Variants in RGPD8 observed in about 807,000 individuals in gnomAD.
RGPD8 encodes the protein RANBP2-like and GRIP domain-containing protein 8.
RGPD8 carries 15 observed loss-of-function variants against 89.1 expected under a neutral mutation model. The observed-to-expected ratio is 0.17, with a 90% CI of 0.11 to 0.26. The LOEUF is 0.26. Among genes scored for constraint, RGPD8 ranks in the 10% least tolerant of loss-of-function variants. The pLI is 1.00. For synonymous variants in RGPD8, 62 were observed against 420.9 expected, an observed-to-expected ratio of 0.15 and a Z score of 10.44; for missense variants, 178 against 1,179.6, an observed-to-expected ratio of 0.15 and a Z score of 12.44.
chr2:112,385,326 GA>G, intron 20 of RGPD8, among the ~76,000 whole-genome samples: 2 of 148,216 alleles, frequency 1.3e-5, no homozygotes, highest in Middle Eastern at 7.1e-3. Flanking sequence ...ATTAGAAACA[GA>G]AAAAACTTCT....
At chr2:112,432,468 G>C (rs1680084310) in intron 1 of RGPD8, 2 of 985,096 alleles carry the variant, frequency 2.0e-6, no homozygotes, top group Non-Finnish European at 2.4e-6. Flanking sequence ...CTCAAAACAA[G>C]GGGACTTTCC....
intron 6 of RGPD8, 70 bp downstream of exon 6, chr2:112,417,123 G>A: frequency 1.2e-6 from 2 of 1,607,520 alleles, no homozygotes; most frequent in Non-Finnish European, 1.7e-6. Context: ...AAGAAGTTTA[G>A]AGCAATGAAC....
At chr2:112,425,794 A>G (rs1037938014) in intron 1 of RGPD8, among the ~76,000 whole-genome samples, 1 of 151,600 alleles carries the variant, frequency 6.6e-6, no homozygotes, top group African/African-American at 2.4e-5. Flanking sequence ...CAACCAGAGT[A>G]TGTTCCATCC....
chr2:112,432,547 C>A (rs1299775523), intron 1 of RGPD8: 1 of 985,280 alleles, frequency 1.0e-6, no homozygotes, highest in East Asian at 1.1e-4. Flanking sequence ...CTCGACGCAG[C>A]CGCCAAAGCT....
chr2:112,427,064 G>C (rs1017095271), intron 1 of RGPD8, among the ~76,000 whole-genome samples: 3 of 151,680 alleles, frequency 2.0e-5, no homozygotes, highest in Non-Finnish European at 4.4e-5. Context: ...CAAAGTGCTG[G>C]GATTACAGGC....
At chr2:112,416,083 C>A (rs1679396198) in intron 6 of RGPD8, among the ~76,000 whole-genome samples, 1 of 92,504 alleles carries the variant, frequency 1.1e-5, no homozygotes. Flanking sequence ...AGCAAGACTC[C>A]ATCTCAAAAA....
intron 1 of RGPD8, among the ~76,000 whole-genome samples, chr2:112,429,172 G>A (rs919804191): frequency 3.3e-5 from 5 of 151,982 alleles, no homozygotes; most frequent in African/African-American, 1.2e-4. Context: ...TGTAATCCCA[G>A]CACTTTGGGA....
intron 7 of RGPD8, among the ~76,000 whole-genome samples, chr2:112,408,669 T>C (rs1331925093): frequency 6.6e-6 from 1 of 152,214 alleles, no homozygotes; most frequent in Admixed American, 6.5e-5. Context: ...CAATTCACTA[T>C]TTCCTTTTTT....
intron 2 of RGPD8, 103 bp from the exon 3 acceptor site, chr2:112,422,762 T>C (rs1679610616): frequency 3.7e-6 from 2 of 544,626 alleles, no homozygotes; most frequent in Non-Finnish European, 3.1e-6. Flanking sequence ...TAAACTCGTT[T>C]ATATTGTTAC....
rs1478898362 is a variant in RGPD8 at position 112,371,287 on chromosome 2, C to G, written c.5264-1075G>C. Among the ~76,000 whole-genome samples the G allele has an allele frequency of 7.2e-3, 584 of 81,240 alleles. 1 individual carries two copies. Among genetic ancestry groups the G allele is most frequent in the African/African-American group, 0.027 (556 of 20,980 alleles). 53.3% of individuals were successfully genotyped at this position (81,240 alleles called of 152,430 possible). A position where few individuals can be genotyped will look rare whatever the true frequency, so the allele number is the denominator to read the frequency against. On this transcript the variant is annotated intron_variant, in intron 22 of 22. Coordinates refer to ENST00000302558, the MANE Select transcript of RGPD8 (RefSeq NM_001164463.1). ...CGTACCACCACCGACCAAGGCCTGG[C>G]ACATTTTCATCTCCTCAAAGTTCTC... is the stretch of plus-strand genomic sequence containing the variant.
intron 20 of RGPD8, among the ~76,000 whole-genome samples, chr2:112,381,849 A>G (rs1347354445): frequency 1.3e-5 from 2 of 152,202 alleles, no homozygotes. Flanking sequence ...TATTTTAAAA[A>G]AGATTTGTTT....
At chr2:112,432,683 A>C (rs1295363412) in intron 1 of RGPD8, 1 of 985,168 alleles carries the variant, frequency 1.0e-6, no homozygotes, top group Non-Finnish European at 1.2e-6. Flanking sequence ...CCGGGTGCCC[A>C]AGCCCCCGAG....
At chr2:112,430,817 C>T (rs1679996777) in intron 1 of RGPD8, among the ~76,000 whole-genome samples, 1 of 151,324 alleles carries the variant, frequency 6.6e-6, no homozygotes, top group Non-Finnish European at 1.5e-5. Context: ...AAAAGCCGGG[C>T]ATGGTGGCGC....
intron 4 of RGPD8, among the ~76,000 whole-genome samples, chr2:112,419,771 T>TG: frequency 7.0e-6 from 1 of 143,870 alleles, no homozygotes; most frequent in Non-Finnish European, 1.5e-5. Context: ...ACGCCCAATA[T>TG]GGGAGTTATG....
chr2:112,411,375 T>C (rs1453515209), intron 7 of RGPD8, among the ~76,000 whole-genome samples: 10 of 145,616 alleles, frequency 6.9e-5, no homozygotes, highest in African/African-American at 2.6e-4. Flanking sequence ...GAGACCATCC[T>C]GGCTACCACG....
At chr2:112,429,867 G>C (rs1262517572) in intron 1 of RGPD8, among the ~76,000 whole-genome samples, 1 of 152,100 alleles carries the variant, frequency 6.6e-6, no homozygotes, top group East Asian at 1.9e-4. Flanking sequence ...GAGTGCAGTG[G>C]CGCAATCTCT....
rs189050743 is a variant in RGPD8, at chr2:112,431,711, A to T, written c.72+1671T>A. ...GAGTGCAGTAGCGCGATCTCGGCTCACTAGAACCTCCGCCTCCCGGGTTCA... is the reference window on the plus strand; with the variant it reads ...GAGTGCAGTAGCGCGATCTCGGCTCTCTAGAACCTCCGCCTCCCGGGTTCA... On this transcript the variant is annotated intron_variant, in intron 1 of 22. Coordinates refer to ENST00000302558, the MANE Select transcript of RGPD8 (RefSeq NM_001164463.1). Among the ~76,000 whole-genome samples the T allele has an allele frequency of 2.7e-5, 4 of 147,472 alleles. No individual in the cohort carries two copies. The East Asian group carries it at 8.0e-4, about 29-fold the overall frequency.
intron 1 of RGPD8, among the ~76,000 whole-genome samples, chr2:112,431,794 G>A (rs1680051087): frequency 1.3e-5 from 2 of 152,028 alleles, no homozygotes; most frequent in Admixed American, 1.3e-4. Flanking sequence ...GCGCCACCAC[G>A]TCCGGCTAAC....
Position 112,433,413 on chromosome 2 carries a change from G to T in RGPD8, c.41C>A (p.Ser14Ter), listed in dbSNP as rs746917348. 171 of 1,610,450 alleles carry T rather than the reference G, an allele frequency of 1.1e-4. No individual in the cohort carries two copies. The highest frequency in any genetic ancestry group is 1.3e-4 in the Non-Finnish European group (157 of 1,179,172). The change falls in exon 1 of 23, where the codon TCG becomes TAG. Residue 14 changes from serine (S) to a stop codon, truncating the protein, a stop_gained. Coordinates refer to ENST00000302558, the MANE Select transcript of RGPD8 (RefSeq NM_001164463.1). LOFTEE classifies it high-confidence loss of function. ...SKADVERYVASVLGLTPSPRQ... is the reference protein window; with the variant it reads ...SKADVERYVA Reference sequence around the variant, plus strand: ...AGGCGACGGGGTGAGACCCAGCACCGAGGCGACGTACCGCTCCACATCGGC... The same window carrying T: ...AGGCGACGGGGTGAGACCCAGCACCTAGGCGACGTACCGCTCCACATCGGC...
Sources: allele counts gnomAD v4.1 joint callset (sites outside exome capture counted in the v4.1 genomes callset), GRCh38; gene constraint gnomAD v4.1.1; transcripts MANE v1.5; gene names NCBI Gene and HGNC (gene_info 2026-07-23, HGNC 2026-07-21).